Variants in BPNT2 observed in about 807,000 individuals in gnomAD.
BPNT2 encodes the protein Golgi-resident adenosine 3',5'-bisphosphate 3'-phosphatase.
In BPNT2, 11 loss-of-function variants were observed where a neutral mutation model predicts 29.3. The ratio of observed to expected loss-of-function variants is 0.38; its 90% CI spans 0.24 to 0.62. The LOEUF is 0.62. BPNT2 is among the 20% of genes least tolerant of loss of function. The pLI is 0.62. For missense variants in BPNT2, 459 were observed against 473.4 expected, an observed-to-expected ratio of 0.97 and a Z score of 0.28; for synonymous variants, 195 against 187.7, an observed-to-expected ratio of 1.04 and a Z score of -0.32.
intron 1 of BPNT2, among the ~76,000 whole-genome samples, chr8:56,983,445 C>A (rs893738354): frequency 6.6e-6 from 1 of 152,062 alleles, no homozygotes; most frequent in African/African-American, 2.4e-5. Context: ...AAGGCTACAG[C>A]AGAGTGAGCC....
At chr8:56,971,792 C>CCA (rs1396853124) in intron 3 of BPNT2, among the ~76,000 whole-genome samples, 1 of 147,588 alleles carries the variant, frequency 6.8e-6, no homozygotes, top group African/African-American at 2.5e-5. Context: ...ACCCCCCCCC[C>CCA]CACAATGCTA....
rs575995287 is a variant in BPNT2, at chr8:56,973,232, T to C, written c.646+4818A>G. On this transcript the variant is annotated intron_variant, in intron 3 of 4. Transcript: ENST00000262644. ...ACCGAGAACCCCATGAGTTCAACAC[T>C]AAAAGCATCAAGTGATTTACTTGCC... is the stretch of plus-strand genomic sequence containing the variant. Among the ~76,000 whole-genome samples, 4 of 152,040 alleles carry C rather than the reference T, an allele frequency of 2.6e-5. No individual in the cohort carries two copies. In the South Asian group the frequency reaches 8.4e-4, roughly 32 times the overall value.
chr8:56,993,209 G>C lies in BPNT2; in HGVS notation c.377C>G (p.Pro126Arg), dbSNP rs1202905686. The C allele has an allele frequency of 6.2e-7, 1 of 1,600,610 alleles. No individual in the cohort carries two copies. The highest frequency in any genetic ancestry group is 1.7e-5 in the Admixed American group (1 of 59,882). Residue 126 changes from proline (P) to arginine (R), a missense_variant, in exon 1 of 5, where the codon CCC (proline) becomes CGC (arginine). Pro to Arg is a moderately radical substitution (Grantham distance 103). Coordinates refer to ENST00000262644, the MANE Select transcript of BPNT2 (RefSeq NM_017813.5). ...CCCGTGGGCTCCCACCTGGACGCTG[G>C]GGAAGGCGGTCTTGAGCAGGTAGAA... ...KMFYLLKTAF[P>R]SVQINTEEHV...
At chr8:56,966,083 A>G in intron 4 of BPNT2, 108 bp downstream of exon 4, 4 of 1,200,960 alleles carry the variant, frequency 3.3e-6, no homozygotes, top group Non-Finnish European at 4.9e-6. Context: ...AAAGTACACC[A>G]CTCCTCCTCA....
intron 3 of BPNT2, among the ~76,000 whole-genome samples, chr8:56,968,776 G>A (rs1188904708): frequency 6.6e-6 from 1 of 152,216 alleles, no homozygotes; most frequent in African/African-American, 2.4e-5. Context: ...AGACATCATA[G>A]TTACATCATT....
At chr8:56,990,247 G>A (rs1488513173) in intron 1 of BPNT2, among the ~76,000 whole-genome samples, 1 of 152,168 alleles carries the variant, frequency 6.6e-6, no homozygotes, top group Non-Finnish European at 1.5e-5. Flanking sequence ...TCAAGTTGAG[G>A]ACAGGAGCCC....
At chr8:56,985,521 A>AT (rs1806313984) in intron 1 of BPNT2, among the ~76,000 whole-genome samples, 1 of 152,190 alleles carries the variant, frequency 6.6e-6, no homozygotes, top group East Asian at 1.9e-4. Context: ...GGGAATGAAC[A>AT]ATGCAGCTTT....
At chr8:56,982,736 G>A (rs1806265330) in intron 1 of BPNT2, among the ~76,000 whole-genome samples, 1 of 152,070 alleles carries the variant, frequency 6.6e-6, no homozygotes, top group South Asian at 2.1e-4. Flanking sequence ...AGTAGTGGAA[G>A]GGTTATTCTT....
Position 56,993,519 on chromosome 8 carries a change from C to G in BPNT2, c.67G>C (p.Val23Leu), listed in dbSNP as rs1316564092. The G allele has an allele frequency of 4.7e-6, 7 of 1,496,776 alleles. No individual in the cohort carries two copies. In the South Asian group the frequency reaches 5.1e-5, roughly 11 times the overall value. 92.7% of individuals were successfully genotyped at this position (1,496,776 alleles called of 1,614,324 possible). Residue 23 changes from valine (V) to leucine (L), a missense_variant, in exon 1 of 5, where the codon GTG (valine) becomes CTG (leucine). Transcript: ENST00000262644. ...VAVFCLLGLG[V>L]LYHLYSGFLA... ...AAGCCCGAGTAGAGGTGGTAGAGCA[C>G]GCCGAGCCCCAGCAGGCAAAACACT...
rs1806455341 is a variant in BPNT2, at chr8:56,993,500, G to A, written c.86C>T (p.Ser29Leu). The change falls in exon 1 of 5, where the codon TCG (serine) becomes TTG (leucine). Residue 29 changes from serine (S) to leucine (L), a missense_variant. Physicochemically the swap from Ser to Leu is moderately radical, Grantham distance 145 (BLOSUM62 -2). Transcript: ENST00000262644. ...LGLGVLYHLY[S>L]GFLAGRFSLF... The stretch of plus-strand genomic sequence containing the variant: ...GCTGAAGCGGCCGGCCAAGAAGCCC[G>A]AGTAGAGGTGGTAGAGCACGCCGAG... 1 of 1,502,094 alleles carries A rather than the reference G, an allele frequency of 6.7e-7. No homozygotes were observed. 93.0% of individuals were successfully genotyped at this position (1,502,094 alleles called of 1,614,324 possible).
chr8:56,977,079 A>C (rs1806153034), intron 3 of BPNT2, among the ~76,000 whole-genome samples: 1 of 152,164 alleles, frequency 6.6e-6, no homozygotes, highest in African/African-American at 2.4e-5. Flanking sequence ...AATATAAATA[A>C]AGTTCATGTT....
chr8:56,980,246 T>C (rs746097791), intron 1 of BPNT2, 49 bp from the exon 2 acceptor site: 3 of 1,448,444 alleles, frequency 2.1e-6, no homozygotes, highest in Admixed American at 3.3e-5. Context: ...GAACAATCAC[T>C]ATTTGATAAA....
At chr8:56,973,877 G>C (rs1271616442) in intron 3 of BPNT2, among the ~76,000 whole-genome samples, 1 of 152,052 alleles carries the variant, frequency 6.6e-6, no homozygotes, top group Non-Finnish European at 1.5e-5. Flanking sequence ...AATTTTTAGA[G>C]AAATGAAAAG....
rs921056481 is a variant in BPNT2 at position 56,960,329 on chromosome 8, T to C, written c.*3464A>G. 1 of 152,222 alleles carries C rather than the reference T, an allele frequency of 6.6e-6. No homozygotes were observed. The allele number at this position is 152,222 out of a possible 1,614,324, so 9.4% of individuals were successfully genotyped here. On this transcript the variant is annotated 3_prime_UTR_variant, in exon 5 of 5. Coordinates refer to ENST00000262644, the MANE Select transcript of BPNT2 (RefSeq NM_017813.5). ...CTGATCCTGGGGTGACCAGGGTAGA[T>C]GTCTGCTTTGCATCCTCCCTGTTAC...
rs1806461528 is a variant in BPNT2, at chr8:56,993,774, G to A, written c.-189C>T. On this transcript the variant is annotated 5_prime_UTR_variant, in exon 1 of 5. Coordinates refer to ENST00000262644, the MANE Select transcript of BPNT2 (RefSeq NM_017813.5). ...GAGTTGCGCCGCGAAGACCACCAAC[G>A]CCGCCCCGCGCGCCTGACTCGCCAG... 1 of 726,486 alleles carries A rather than the reference G, an allele frequency of 1.4e-6. No homozygotes were observed. Among genetic ancestry groups the A allele is most frequent in the Non-Finnish European group, 1.7e-6 (1 of 590,608 alleles). The allele number at this position is 726,486 out of a possible 1,614,324, so 45.0% of individuals were successfully genotyped here.
chr8:56,977,257 G>C (rs1806156565), intron 3 of BPNT2, among the ~76,000 whole-genome samples: 1 of 151,916 alleles, frequency 6.6e-6, no homozygotes, highest in Non-Finnish European at 1.5e-5. Context: ...AATTCTAAAG[G>C]CCAGAAGTCT....
At chr8:56,975,297 C>T (rs1806113901) in intron 3 of BPNT2, among the ~76,000 whole-genome samples, 1 of 152,106 alleles carries the variant, frequency 6.6e-6, no homozygotes, top group South Asian at 2.1e-4. Flanking sequence ...ACGCTTTGGC[C>T]TTGTTAGTTG....
intron 1 of BPNT2, among the ~76,000 whole-genome samples, chr8:56,988,934 A>G (rs1376132645): frequency 6.6e-6 from 1 of 152,134 alleles, no homozygotes; most frequent in Non-Finnish European, 1.5e-5. Flanking sequence ...TATCTTCTCT[A>G]CAACCATAAC....
intron 1 of BPNT2, among the ~76,000 whole-genome samples, chr8:56,992,838 A>C (rs1806440448): frequency 2.0e-5 from 3 of 152,094 alleles, no homozygotes; most frequent in Admixed American, 2.0e-4. Context: ...TAGGGATGAA[A>C]TCAAGGAAGG....
Sources: gnomAD v4.1 joint callset for allele counts (sites outside exome capture counted in the v4.1 genomes callset) on GRCh38, gnomAD v4.1.1 for gene constraint, MANE v1.5 for transcripts, NCBI Gene and HGNC (gene_info 2026-07-23, HGNC 2026-07-21) for gene names.